COL23A1: variants seen among roughly 807,000 people sequenced by gnomAD.
COL23A1 encodes collagen alpha-1(XXIII) chain.
Under a neutral mutation model 99.3 loss-of-function variants are expected in COL23A1, and 97 were observed. The ratio of observed to expected loss-of-function variants is 0.98; its 90% CI spans 0.83 to 1.16. The LOEUF is 1.16. Among genes scored for constraint, COL23A1 ranks in the 50% most tolerant of loss-of-function variants. The pLI, the probability that COL23A1 is intolerant of heterozygous loss-of-function variation, is 0.00. For missense variants in COL23A1, 762 were observed against 757.4 expected (o/e 1.01, Z -0.07); for synonymous variants, 320 against 308.2 (o/e 1.04, Z -0.40).
At chr5:178,258,520 C>CAAGT in intron 12 of COL23A1, among the ~76,000 whole-genome samples, 1 of 150,574 alleles carries the variant, frequency 6.6e-6, no homozygotes, top group Admixed American at 6.6e-5. Context: ...CTCAGCATCC[C>CAAGT]AAGTAGCTGG....
intron 2 of COL23A1, among the ~76,000 whole-genome samples, chr5:178,456,601 G>A (rs1003147252): frequency 9.2e-5 from 14 of 152,324 alleles, no homozygotes; most frequent in Middle Eastern, 3.4e-3. Context: ...AGGAGGCTGA[G>A]GCAGGAGAAT....
In COL23A1 at chr5:178,307,030, G is replaced by A; in HGVS notation, c.362-111C>T. The A allele has an allele frequency of 2.7e-6, 2 of 739,268 alleles. No individual in the cohort carries two copies. The highest frequency in any genetic ancestry group is 1.9e-5 in the African/African-American group (1 of 53,724). The allele number at this position is 739,268 out of a possible 1,614,324, so 45.8% of individuals were successfully genotyped here. On this transcript the variant is annotated intron_variant, in intron 2 of 28. Coordinates refer to ENST00000390654, the MANE Select transcript of COL23A1 (RefSeq NM_173465.4). The surrounding 1 kb of genome is among the most constrained non-coding windows in gnomAD (Gnocchi z 4.2). ...CCGCTCGCAACAGCTTTCTGGGAGT[G>A]GCCTGCCCGAGGGGGTCTGCTGGCT...
intron 2 of COL23A1, among the ~76,000 whole-genome samples, chr5:178,496,419 G>A (rs148707728): frequency 1.3e-5 from 2 of 152,246 alleles, no homozygotes; most frequent in Non-Finnish European, 2.9e-5. Context: ...CTTGTTCTAC[G>A]GGAAGCCACG....
chr5:178,272,839 C>T (rs550456372), intron 5 of COL23A1, among the ~76,000 whole-genome samples: 3 of 152,152 alleles, frequency 2.0e-5, no homozygotes, highest in Non-Finnish European at 4.4e-5. Context: ...CCTGACCCCA[C>T]ACACATGGCC....
chr5:178,580,933 CAGG>C (rs994197543), intron 1 of COL23A1, among the ~76,000 whole-genome samples: 40 of 152,140 alleles, frequency 2.6e-4, no homozygotes, highest in African/African-American at 9.4e-4. Context: ...CACCTGAGTC[CAGG>C]AGCGGAGGCT....
chr5:178,438,252 CCCT>C (rs1766670126), intron 2 of COL23A1, among the ~76,000 whole-genome samples: 1 of 152,188 alleles, frequency 6.6e-6, no homozygotes, highest in Non-Finnish European at 1.5e-5. Flanking sequence ...CAGCTCTGGC[CCCT>C]CCTCAAGTTA....
In COL23A1 at chr5:178,255,900, G is replaced by A; in HGVS notation, c.882+453C>T. The A allele has an allele frequency of 5.7e-6, 2 of 349,572 alleles. No homozygotes were observed. Among genetic ancestry groups the A allele is most frequent in the Non-Finnish European group, 1.2e-5 (2 of 166,656 alleles). The allele number at this position is 349,572 out of a possible 1,614,324, so 21.7% of individuals were successfully genotyped here. A position where few individuals can be genotyped will look rare whatever the true frequency, so the allele number is the denominator to read the frequency against. On this transcript the variant is annotated intron_variant, in intron 15 of 28. Transcript: ENST00000390654. This position sits in a 1 kb window ranked among gnomAD's most constrained non-coding sequence, Gnocchi z 4.2. ...ATCCCGGACGTCACCCTAAAGGTAAGGTATGTTGATAGGGGCTGGTCACAA... is the reference window on the plus strand; with the variant it reads ...ATCCCGGACGTCACCCTAAAGGTAAAGTATGTTGATAGGGGCTGGTCACAA...
At chr5:178,254,817 A>T in intron 16 of COL23A1, 132 bp downstream of exon 16, 1 of 740,966 alleles carries the variant, frequency 1.3e-6, no homozygotes, top group Non-Finnish European at 2.3e-6. Context: ...GCCTAGTAAC[A>T]GCCGGGGTCT....
At chr5:178,288,702 C>G (rs1181890315) in intron 4 of COL23A1, among the ~76,000 whole-genome samples, 5 of 152,218 alleles carry the variant, frequency 3.3e-5, no homozygotes, top group African/African-American at 1.2e-4. Flanking sequence ...ACTGAAAATG[C>G]TCCTTAAACT....
intron 2 of COL23A1, among the ~76,000 whole-genome samples, chr5:178,354,047 G>C (rs548823320): frequency 6.6e-6 from 1 of 152,250 alleles, no homozygotes; most frequent in East Asian, 1.9e-4. Flanking sequence ...CGGGAGGCAG[G>C]GGTGATTGGC....
At chr5:178,494,539 G>T (rs772580641) in intron 2 of COL23A1, among the ~76,000 whole-genome samples, 11 of 152,212 alleles carry the variant, frequency 7.2e-5, no homozygotes, top group Non-Finnish European at 1.5e-4. Context: ...GCCTGGCGTG[G>T]TGGCACGTGC....
intron 3 of COL23A1, among the ~76,000 whole-genome samples, chr5:178,292,260 C>A (rs1375520005): frequency 6.6e-6 from 1 of 152,176 alleles, no homozygotes; most frequent in African/African-American, 2.4e-5. Context: ...CCTCTCCATG[C>A]CTTCAGGTTA....
At chr5:178,370,145 C>T (rs1470593882) in intron 2 of COL23A1, among the ~76,000 whole-genome samples, 1 of 152,236 alleles carries the variant, frequency 6.6e-6, no homozygotes, top group African/African-American at 2.4e-5. Flanking sequence ...TTATGCATGA[C>T]CCTCTTGAGA....
chr5:178,403,522 G>A (rs928128810), intron 2 of COL23A1, among the ~76,000 whole-genome samples: 2 of 152,192 alleles, frequency 1.3e-5, no homozygotes, highest in African/African-American at 4.8e-5. Flanking sequence ...AGACGCAGAG[G>A]CCCCGGTGCC....
At chr5:178,515,110 C>G (rs1488995969) in intron 2 of COL23A1, among the ~76,000 whole-genome samples, 1 of 152,220 alleles carries the variant, frequency 6.6e-6, no homozygotes, top group African/African-American at 2.4e-5. Flanking sequence ...TTCTGGGAGG[C>G]AGCTGAGCTG....
At chr5:178,367,715 A>G (rs556537362) in intron 2 of COL23A1, among the ~76,000 whole-genome samples, 5 of 152,298 alleles carry the variant, frequency 3.3e-5, no homozygotes, top group Middle Eastern at 3.4e-3. Context: ...TTTTCTTTCT[A>G]GCATATCATC....
At chr5:178,502,234 C>T (rs1758588436) in intron 2 of COL23A1, among the ~76,000 whole-genome samples, 1 of 152,180 alleles carries the variant, frequency 6.6e-6, no homozygotes, top group Non-Finnish European at 1.5e-5. Context: ...CAGGTTCACG[C>T]CATTCTCCTG....
At chr5:178,456,800 AAACGTAACG>A (rs1162291637) in intron 2 of COL23A1, among the ~76,000 whole-genome samples, 1 of 152,082 alleles carries the variant, frequency 6.6e-6, no homozygotes, top group African/African-American at 2.4e-5. Context: ...TTTTTGCAAC[AAACGTAACG>A]AAGGATTGTT....
intron 2 of COL23A1, among the ~76,000 whole-genome samples, chr5:178,373,781 A>G (rs1283285284): frequency 6.6e-6 from 1 of 152,190 alleles, no homozygotes; most frequent in African/African-American, 2.4e-5. Flanking sequence ...TAATCCTGAC[A>G]TGCTGCTCAC....
Sources: allele counts gnomAD v4.1 joint callset (sites outside exome capture counted in the v4.1 genomes callset), GRCh38; gene constraint gnomAD v4.1.1; non-coding constraint Gnocchi (gnomAD v3.1); transcripts MANE v1.5; gene names NCBI Gene and HGNC (gene_info 2026-07-23, HGNC 2026-07-21).